Variants in SEPTIN10 observed in about 807,000 individuals in gnomAD.
SEPTIN10 encodes septin 10.
SEPTIN10 carries 66 observed loss-of-function variants against 54.8 expected under a neutral mutation model. The ratio of observed to expected loss-of-function variants is 1.21; its 90% CI spans 0.99 to 1.48. The LOEUF (loss-of-function observed/expected upper bound fraction) is 1.48. Ranked by LOEUF, SEPTIN10 falls within the 40% of genes most tolerant of loss-of-function variation. The pLI is 0.00. For synonymous variants in SEPTIN10, 161 were observed against 181.0 expected (o/e 0.89, Z 0.89); for missense variants, 620 against 545.6 (o/e 1.14, Z -1.36).
intron 5 of SEPTIN10, among the ~76,000 whole-genome samples, chr2:109,571,150 C>T (rs111314802): frequency 7.9e-5 from 12 of 152,268 alleles, no homozygotes; most frequent in African/African-American, 2.2e-4. Flanking sequence ...CTTCGCCTTC[C>T]GCCATGGTTT....
intron 3 of SEPTIN10, 31 bp from the exon 4 acceptor site, chr2:109,585,352 T>C (rs779827334): frequency 6.6e-7 from 1 of 1,518,334 alleles, no homozygotes; most frequent in Non-Finnish European, 8.9e-7. Flanking sequence ...TCTTTATGGT[T>C]GCATGAATGG....
rs1681071963 is a variant in SEPTIN10, at chr2:109,545,856, C to A, written c.1349+194G>T. The A allele has an allele frequency of 4.2e-6, 6 of 1,442,658 alleles. No homozygotes were observed. In the South Asian group the frequency reaches 9.3e-5, roughly 22 times the overall value. 89.4% of individuals were successfully genotyped at this position (1,442,658 alleles called of 1,614,324 possible). ...CAAATACTGAACACATAACATGTGC[C>A]AGGTGCTGTTCTGGATGCTGGGGAA... On this transcript the variant is annotated intron_variant, in intron 10 of 10. Coordinates refer to ENST00000397712, the MANE Select transcript of SEPTIN10 (RefSeq NM_144710.5).
intron 3 of SEPTIN10, 84 bp downstream of exon 3, chr2:109,585,637 G>T (rs1439048042): frequency 1.1e-6 from 1 of 915,958 alleles, no homozygotes; most frequent in Non-Finnish European, 1.8e-6. Flanking sequence ...TTGATAACAT[G>T]AGCATTGTTC....
chr2:109,551,237 T>C (rs972574692), intron 9 of SEPTIN10, among the ~76,000 whole-genome samples: 1 of 152,206 alleles, frequency 6.6e-6, no homozygotes, highest in African/African-American at 2.4e-5. Context: ...TATAGAAATA[T>C]GGATTTATAC....
At chr2:109,547,555 A>G (rs924727742) in intron 9 of SEPTIN10, among the ~76,000 whole-genome samples, 7 of 152,134 alleles carry the variant, frequency 4.6e-5, no homozygotes, top group African/African-American at 1.7e-4. Flanking sequence ...TGGGGCTGAA[A>G]ATCATCTTGA....
In SEPTIN10 at chr2:109,585,315, G is replaced by C; in HGVS notation, c.224C>G (p.Thr75Ser). ...FCFNILCVGE[T>S]GIGKSTLIDT... The stretch of plus-strand genomic sequence containing the variant: ...AATCAGTGTTGATTTTCCAATTCCA[G>C]TTTCCCCTGAAACACACAAAGGTAC... The change falls in exon 4 of 11, where the codon ACT becomes AGT. Residue 75 changes from threonine (T) to serine (S), a missense_variant. Physicochemically the swap from Thr to Ser is moderately conservative, Grantham distance 58. Transcript: ENST00000397712. 1 of 1,597,514 alleles carries C rather than the reference G, an allele frequency of 6.3e-7. No homozygotes were observed.
At chr2:109,572,101 C>G (rs1417755583) in intron 5 of SEPTIN10, among the ~76,000 whole-genome samples, 1 of 152,192 alleles carries the variant, frequency 6.6e-6, no homozygotes, top group Non-Finnish European at 1.5e-5. Flanking sequence ...TCCCAAAAGT[C>G]TTAGAGTGAG....
At chr2:109,544,785 T>C (rs1680750442) in intron 10 of SEPTIN10, 2 of 806,238 alleles carry the variant, frequency 2.5e-6, no homozygotes, top group Non-Finnish European at 3.0e-6. Context: ...ATTTATTCTT[T>C]CAAAAATAAT....
chr2:109,544,451 A>C, intron 10 of SEPTIN10, 127 bp from the exon 11 acceptor site: 2 of 1,397,866 alleles, frequency 1.4e-6, no homozygotes, highest in East Asian at 2.5e-5. Flanking sequence ...AGAAAAAACC[A>C]AAAACACCAA....
chr2:109,612,492 T>A (rs139450259), intron 1 of SEPTIN10, among the ~76,000 whole-genome samples: 2 of 152,330 alleles, frequency 1.3e-5, no homozygotes, highest in East Asian at 3.9e-4. Flanking sequence ...CTATACTGTA[T>A]TATTTCTTAC....
Position 109,546,038 on chromosome 2 carries a change from T to C in SEPTIN10, c.1349+12A>G. 6.4e-7 allele frequency: 1 copy of C among 1,556,428 alleles called. No individual in the cohort carries two copies. Among genetic ancestry groups the C allele is most frequent in the Non-Finnish European group, 8.6e-7 (1 of 1,156,498 alleles). ...GGGCAGGGCTGCCAGGGAGGGTGGC[T>C]GGGCCTCTTACTTCTTACGGTCCTT... On this transcript the variant is annotated intron_variant, in intron 10 of 10. Coordinates refer to ENST00000397712, the MANE Select transcript of SEPTIN10 (RefSeq NM_144710.5).
chr2:109,582,007 C>T lies in SEPTIN10; in HGVS notation c.413+3119G>A, dbSNP rs143251114. 1.4e-3 allele frequency among the ~76,000 whole-genome samples: 210 copies of T among 151,960 alleles called. 1 individual carries two copies. Among genetic ancestry groups the T allele is most frequent in the African/African-American group, 4.6e-3 (190 of 41,412 alleles). On this transcript the variant is annotated intron_variant, in intron 4 of 10. Coordinates refer to ENST00000397712, the MANE Select transcript of SEPTIN10 (RefSeq NM_144710.5). ...TGCAAAACCAATGTACAAAAATCAG[C>T]AGCATTTCTGTATATCAATAATGGT...
At chr2:109,563,745 T>C (rs1686243843) in intron 8 of SEPTIN10, among the ~76,000 whole-genome samples, 1 of 152,194 alleles carries the variant, frequency 6.6e-6, no homozygotes, top group Non-Finnish European at 1.5e-5. Context: ...CCTTCTTCCT[T>C]TATAATATGT....
intron 1 of SEPTIN10, among the ~76,000 whole-genome samples, chr2:109,611,931 C>T (rs58602175): frequency 0.054 from 8,232 of 152,192 alleles, 683 homozygotes; most frequent in East Asian, 0.24. Flanking sequence ...CAGTTTCTTA[C>T]AAAACTAAGC....
At chr2:109,580,547 G>C (rs914155167) in intron 4 of SEPTIN10, among the ~76,000 whole-genome samples, 1 of 152,124 alleles carries the variant, frequency 6.6e-6, no homozygotes, top group African/African-American at 2.4e-5. Context: ...AGGATGATGA[G>C]GGGATGGTGC....
At chr2:109,570,232 T>C (rs745809918) in intron 5 of SEPTIN10, among the ~76,000 whole-genome samples, 2 of 152,134 alleles carry the variant, frequency 1.3e-5, no homozygotes, top group Non-Finnish European at 2.9e-5. Flanking sequence ...CAGAAGTGAG[T>C]AGTGACCATC....
At chr2:109,594,834 G>C (rs1694959429) in intron 1 of SEPTIN10, 1 of 151,882 alleles carries the variant, frequency 6.6e-6, no homozygotes, top group Non-Finnish European at 1.5e-5. Flanking sequence ...ACAATCTTTT[G>C]CTGGTACATT....
rs1247902939 is a variant in SEPTIN10, at chr2:109,602,660, A to G, written c.31-9541T>C. On this transcript the variant is annotated intron_variant, in intron 1 of 10. Coordinates refer to ENST00000397712, the MANE Select transcript of SEPTIN10 (RefSeq NM_144710.5). ...ATTGCACTCCAGCCTGGGCAACAAA[A>G]GCAAAACTCCATCTCAAATTAAAAA... 1.3e-5 allele frequency among the ~76,000 whole-genome samples: 2 copies of G among 149,778 alleles called. 1 individual carries two copies. The highest frequency in any genetic ancestry group is 3.0e-5 in the Non-Finnish European group (2 of 67,270).
At chr2:109,556,103 G>C (rs1451002252) in intron 8 of SEPTIN10, among the ~76,000 whole-genome samples, 1 of 152,140 alleles carries the variant, frequency 6.6e-6, no homozygotes, top group Non-Finnish European at 1.5e-5. Flanking sequence ...ACAAATTTCT[G>C]GGAAGAGGAG....
Sources: allele counts gnomAD v4.1 joint callset (sites outside exome capture counted in the v4.1 genomes callset), GRCh38; gene constraint gnomAD v4.1.1; transcripts MANE v1.5; gene names NCBI Gene and HGNC (gene_info 2026-07-23, HGNC 2026-07-21).